Variants in ZNF506 observed in about 807,000 individuals in gnomAD.
ZNF506 encodes the protein zinc finger protein 506.
Under a neutral mutation model 11.6 loss-of-function variants are expected in ZNF506, and 10 were observed. The ratio of observed to expected loss-of-function variants is 0.86; its 90% CI spans 0.53 to 1.46. The LOEUF is 1.46. ZNF506 is among the 40% of genes most tolerant of loss of function. The pLI, the probability that ZNF506 is intolerant of heterozygous loss-of-function variation, is 0.00. For synonymous variants in ZNF506, 156 were observed against 173.3 expected (o/e 0.90, Z 0.78); for missense variants, 425 against 521.2 (o/e 0.82, Z 1.80).
chr19:19,805,733 C>A (rs2062830532), intron 3 of ZNF506, among the ~76,000 whole-genome samples: 2 of 152,022 alleles, frequency 1.3e-5, no homozygotes, highest in African/African-American at 2.4e-5. Flanking sequence ...GGAAAAACAG[C>A]CAGATTGTGC....
intron 2 of ZNF506, 25 bp from the exon 3 acceptor site, chr19:19,806,151 T>C (rs539666580): frequency 1.3e-6 from 2 of 1,541,220 alleles, no homozygotes; most frequent in Admixed American, 1.8e-5. Context: ...ATAAATAATA[T>C]GAATCTTGCT....
In ZNF506 at chr19:19,806,098, G is replaced by A. The variant is rs762955915; in HGVS notation, c.159C>T (p.Ile53=). 2 of 1,606,012 alleles carry A rather than the reference G, an allele frequency of 1.2e-6. No homozygotes were observed. The highest frequency in any genetic ancestry group is 2.2e-5 in the East Asian group (1 of 44,754). ...LGIVVSKPNL[I]TCLEQGKKPL... ...GTTTTTTTCCTTGCTCCAGACAGGT[G>A]ATCAGGTTTGGTTTAGAGACAACAA... The change falls in exon 3 of 4, where the codon ATC becomes ATT. Residue 53 remains isoleucine (I), a synonymous_variant. Coordinates refer to ENST00000540806, the MANE Select transcript of ZNF506 (RefSeq NM_001099269.3).
intron 2 of ZNF506, 129 bp downstream of exon 2, chr19:19,806,813 G>A: frequency 8.5e-7 from 1 of 1,176,358 alleles, no homozygotes; most frequent in Non-Finnish European, 1.1e-6. Flanking sequence ...AAATTCTGAA[G>A]ATTTTTCTGG....
chr19:19,819,684 A>G (rs545625126), intron 1 of ZNF506, among the ~76,000 whole-genome samples: 13 of 152,370 alleles, frequency 8.5e-5, no homozygotes, highest in Non-Finnish European at 1.3e-4. Context: ...AATAAAAGAC[A>G]AAGAGGCACA....
intron 1 of ZNF506, among the ~76,000 whole-genome samples, chr19:19,814,253 A>G (rs1374663772): frequency 2.0e-5 from 3 of 152,004 alleles, no homozygotes; most frequent in Non-Finnish European, 4.4e-5. Flanking sequence ...TACTAAAGAT[A>G]CAAAATTATC....
intron 3 of ZNF506, among the ~76,000 whole-genome samples, chr19:19,799,796 T>C (rs2062774967): frequency 6.6e-6 from 1 of 152,000 alleles, no homozygotes; most frequent in Admixed American, 6.6e-5. Context: ...AAATTTCTCA[T>C]TGTATTTTTG....
chr19:19,813,816 A>G (rs996972993), intron 1 of ZNF506, among the ~76,000 whole-genome samples: 1 of 151,956 alleles, frequency 6.6e-6, no homozygotes, highest in African/African-American at 2.4e-5. Context: ...CAGAAAATAC[A>G]AAGAGAAAAA....
chr19:19,805,305 T>C (rs2062827269), intron 3 of ZNF506, among the ~76,000 whole-genome samples: 1 of 151,898 alleles, frequency 6.6e-6, no homozygotes, highest in Admixed American at 6.6e-5. Context: ...AATGAAACAA[T>C]TGGAGAAGAT....
At position 19,806,089 on chromosome 19, in the gene ZNF506, C is replaced by T. The variant is rs771021894; in HGVS notation, c.168G>A (p.Leu56=). The T allele has an allele frequency of 1.2e-6, 2 of 1,607,276 alleles. No homozygotes were observed. The highest frequency in any genetic ancestry group is 1.7e-5 in the Admixed American group (1 of 57,844). The change falls in exon 3 of 4, where the codon CTG becomes CTA. Residue 56 remains leucine (L), a synonymous_variant. Transcript: ENST00000540806. ...TAGTTAAAGGTTTTTTTCCTTGCTC[C>T]AGACAGGTGATCAGGTTTGGTTTAG... ...VVSKPNLITC[L]EQGKKPLTMK...
At chr19:19,797,693 C>T (rs1484827140) in intron 3 of ZNF506, 1 of 151,932 alleles carries the variant, frequency 6.6e-6, no homozygotes, top group African/African-American at 2.4e-5. Context: ...ATAACAAACA[C>T]ATATATAAAC....
intron 1 of ZNF506, among the ~76,000 whole-genome samples, chr19:19,816,601 A>G (rs911495634): frequency 2.0e-5 from 3 of 151,308 alleles, no homozygotes; most frequent in Non-Finnish European, 2.9e-5. Context: ...CTCGTGATTC[A>G]CCCGCCTTGG....
At chr19:19,807,811 T>A (rs1041318952) in intron 1 of ZNF506, among the ~76,000 whole-genome samples, 8 of 151,788 alleles carry the variant, frequency 5.3e-5, no homozygotes, top group Admixed American at 3.3e-4. Flanking sequence ...CCCGGTCAAT[T>A]TTTTGAATTT....
rs570648266 is a variant in ZNF506 at position 19,806,130 on chromosome 19, T to C, written c.131-4A>G. The C allele has an allele frequency of 6.3e-7, 1 of 1,591,818 alleles. No individual in the cohort carries two copies. Among genetic ancestry groups the C allele is most frequent in the South Asian group, 1.1e-5 (1 of 88,592 alleles). The stretch of plus-strand genomic sequence containing the variant: ...TTTGGTTTAGAGACAACAATACCTG[T>C]TTTATTAAGAATAAATAATATGAAT... On this transcript the variant is annotated splice_region_variant and splice_polypyrimidine_tract_variant and intron_variant, in intron 2 of 3. Transcript: ENST00000540806.
At chr19:19,812,763 A>C (rs909525955) in intron 1 of ZNF506, among the ~76,000 whole-genome samples, 2 of 152,184 alleles carry the variant, frequency 1.3e-5, no homozygotes, top group African/African-American at 2.4e-5. Context: ...ATTAAAGGAG[A>C]AATCTTAAGA....
chr19:19,794,914 A>T lies in ZNF506; in HGVS notation c.973T>A (p.Ser325Thr). The T allele has an allele frequency of 6.2e-7, 1 of 1,613,908 alleles. No individual in the cohort carries two copies. Among genetic ancestry groups the T allele is most frequent in the Non-Finnish European group, 8.5e-7 (1 of 1,179,988 alleles). Residue 325 changes from serine to threonine, a missense_variant, in exon 4 of 4, where the codon TCC becomes ACC. Ser to Thr is a moderately conservative substitution (Grantham distance 58). Around this residue, in one of 3 missense-constraint regions of ZNF506, gnomAD observed 192 missense variants for 215.7 expected, o/e 0.89. Coordinates refer to ENST00000540806, the MANE Select transcript of ZNF506 (RefSeq NM_001099269.3). ...CEECGKAFNRSSNLTKHKRIH... is the reference protein window; with the variant it reads ...CEECGKAFNRTSNLTKHKRIH... ...CTCTTATGTTTAGTAAGGTTTGAGG[A>T]ACGGTTAAAAGCTTTGCCACATTCC... is the stretch of plus-strand genomic sequence containing the variant.
chr19:19,801,960 A>G (rs2062797572), intron 3 of ZNF506, among the ~76,000 whole-genome samples: 1 of 150,942 alleles, frequency 6.6e-6, no homozygotes, highest in African/African-American at 2.4e-5. Context: ...TCTCAGCACT[A>G]TGGGAGGCCG....
intron 1 of ZNF506, among the ~76,000 whole-genome samples, chr19:19,816,374 T>C (rs1007301202): frequency 1.3e-5 from 2 of 152,042 alleles, no homozygotes; most frequent in African/African-American, 4.8e-5. Context: ...GGTGGTGTTT[T>C]TGAGATGGAG....
At chr19:19,803,640 A>G (rs10411668) in intron 3 of ZNF506, among the ~76,000 whole-genome samples, 9,490 of 152,268 alleles carry the variant, frequency 0.062, 844 homozygotes, top group African/African-American at 0.2. Context: ...CCTTGTGACC[A>G]AGCTACAACC....
At chr19:19,805,663 G>A (rs1018162457) in intron 3 of ZNF506, among the ~76,000 whole-genome samples, 2 of 149,806 alleles carry the variant, frequency 1.3e-5, no homozygotes, top group African/African-American at 5.1e-5. Context: ...TGCAAAAAGA[G>A]AACTTAAAGA....
Sources: allele counts gnomAD v4.1 joint callset (sites outside exome capture counted in the v4.1 genomes callset), GRCh38; gene constraint gnomAD v4.1.1; regional missense constraint gnomAD v4.1.1; transcripts MANE v1.5; gene names NCBI Gene and HGNC (gene_info 2026-07-23, HGNC 2026-07-21).